Variants in ZNF577 observed in about 807,000 individuals in gnomAD.
ZNF577 encodes the protein zinc finger protein 577.
A neutral mutation model predicts 13.9 loss-of-function variants in ZNF577; 14 were observed. The ratio of observed to expected loss-of-function variants is 1.00; its 90% CI spans 0.66 to 1.57. The LOEUF (loss-of-function observed/expected upper bound fraction) is 1.57, where lower values mean the gene tolerates loss of function less well. ZNF577 is among the 40% of genes most tolerant of loss of function. The pLI is 0.00. For missense variants in ZNF577, 555 were observed against 579.2 expected, an observed-to-expected ratio of 0.96 and a Z score of 0.43; for synonymous variants, 203 against 202.9, an observed-to-expected ratio of 1.00 and a Z score of 0.00.
downstream of ZNF577, chr19:51,862,124 C>T (rs1180234447): frequency 6.6e-6 from 1 of 152,230 alleles, no homozygotes; most frequent in African/African-American, 2.4e-5. Flanking sequence ...AAGGCCCTAT[C>T]ACAGTCTGAG....
At chr19:51,822,855 T>C (rs936850612) in intron 9 of ZNF577, among the ~76,000 whole-genome samples, 4 of 151,976 alleles carry the variant, frequency 2.6e-5, no homozygotes, top group African/African-American at 7.3e-5. Flanking sequence ...GGATGTAATA[T>C]ATTTCTGCTC....
chr19:51,819,175 C>G (rs1295658198), intron 9 of ZNF577, among the ~76,000 whole-genome samples: 1 of 152,030 alleles, frequency 6.6e-6, no homozygotes, highest in African/African-American at 2.4e-5. Context: ...GGAAGAATGG[C>G]AGGTTTGGGA....
rs772892369 is a variant in ZNF577, at chr19:51,824,612, C to T, written c.*600-12938G>A. 3 of 1,614,120 alleles carry T rather than the reference C, an allele frequency of 1.9e-6. No individual in the cohort carries two copies. The highest frequency in any genetic ancestry group is 2.2e-5 in the South Asian group (2 of 91,080). Reference sequence around the variant, plus strand: ...TTCTTGTCCTGATTAACCCAACAAGCTCCTTGGCCTTTTTTAACAGCTGCC... The same window carrying T: ...TTCTTGTCCTGATTAACCCAACAAGTTCCTTGGCCTTTTTTAACAGCTGCC... On this transcript the variant is annotated intron_variant and NMD_transcript_variant, in intron 9 of 10. Coordinates refer to the ZNF577 transcript ENST00000638827. This position sits in a 1 kb window ranked among gnomAD's most constrained non-coding sequence, Gnocchi z 4.7.
intron 8 of ZNF577, among the ~76,000 whole-genome samples, chr19:51,841,676 T>TG (rs1239640058): frequency 6.6e-6 from 1 of 152,030 alleles, no homozygotes; most frequent in Non-Finnish European, 1.5e-5. Context: ...CTCAGCACTT[T>TG]GGGGGGCCAA....
intron 1 of ZNF577, among the ~76,000 whole-genome samples, chr19:51,884,371 G>A (rs1043480363): frequency 1.3e-5 from 2 of 152,168 alleles, no homozygotes; most frequent in African/African-American, 4.8e-5. Context: ...TGCTATGAAA[G>A]TCTCCAGACT....
At chr19:51,877,503 AAG>A (rs2084785121) in intron 4 of ZNF577, 126 bp from the exon 5 acceptor site, 1 of 735,948 alleles carries the variant, frequency 1.4e-6, no homozygotes, top group South Asian at 1.8e-5. Context: ...CACTCAGGAA[AAG>A]AGCACAACCA....
chr19:51,884,001 G>C (rs2084904052), intron 1 of ZNF577, among the ~76,000 whole-genome samples: 1 of 152,206 alleles, frequency 6.6e-6, no homozygotes, highest in Admixed American at 6.5e-5. Context: ...TTCAACCTGG[G>C]AAGTGGGAAT....
At chr19:51,816,064 T>TAAA (rs200656360) in intron 9 of ZNF577, among the ~76,000 whole-genome samples, 2 of 139,116 alleles carry the variant, frequency 1.4e-5, no homozygotes. Context: ...GAGATCCTAT[T>TAAA]AAAAAAAAAA....
rs139796205 is a variant in ZNF577 at position 51,872,598 on chromosome 19, A to C, written c.1392T>G (p.Asn464Lys). The C allele has an allele frequency of 6.2e-7, 1 of 1,613,654 alleles. No homozygotes were observed. The highest frequency in any genetic ancestry group is 1.3e-5 in the African/African-American group (1 of 74,920). Residue 464 changes from asparagine (N) to lysine (K), a missense_variant, in exon 6 of 6, where the codon AAT becomes AAG. Transcript: ENST00000638348. ...TTACTGATGGGGCCACATTCACTTC[A>C]TTTGTGAGGCTTATTCTCTGTTCAA... ...QEFEQRISLT[N>K]EVNVAPSVIN...
intron 5 of ZNF577, among the ~76,000 whole-genome samples, chr19:51,857,402 GAA>G (rs1334964452): frequency 7.3e-5 from 9 of 122,990 alleles, no homozygotes; most frequent in Non-Finnish European, 9.7e-5. Flanking sequence ...AAGAAAGAAA[GAA>G]AGAAAGAAAG....
chr19:51,814,992 T>C (rs113886405), intron 9 of ZNF577, among the ~76,000 whole-genome samples: 3,191 of 151,254 alleles, frequency 0.021, 124 homozygotes, highest in African/African-American at 0.074. Flanking sequence ...GTATTTTTAG[T>C]AGAGGCGGGG....
rs1338621079 is a variant in ZNF577, at chr19:51,857,365, G to GGAAGGAAA, written c.284-12435_284-12434insTTTCCTTC. Among the ~76,000 whole-genome samples the GGAAGGAAA allele has an allele frequency of 2.3e-3, 216 of 93,336 alleles. 3 individuals are homozygous for GGAAGGAAA. The highest frequency in any genetic ancestry group is 8.2e-3 in the African/African-American group (171 of 20,828). The allele number at this position is 93,336 out of a possible 152,430, so 61.2% of individuals were successfully genotyped here. A position where few individuals can be genotyped will look rare whatever the true frequency, so the allele number is the denominator to read the frequency against. On this transcript the variant is annotated intron_variant and NMD_transcript_variant, in intron 5 of 10. Coordinates refer to the ZNF577 transcript ENST00000638827. ...AAGAAAGAGAGAAAGAAAGAAGGAAGGAAAGAAAGAAAGAAAGAAAGAAAG... is the reference window on the plus strand; with the variant it reads ...AAGAAAGAGAGAAAGAAAGAAGGAAGGAAGGAAAGAAAGAAAGAAAGAAAGAAAGAAAG...
At chr19:51,840,339 A>G (rs1424397149) in intron 8 of ZNF577, among the ~76,000 whole-genome samples, 8 of 152,196 alleles carry the variant, frequency 5.3e-5, no homozygotes, top group Non-Finnish European at 1.2e-4. Flanking sequence ...GGTAAGGCGC[A>G]GCCATATTTG....
At chr19:51,866,988 GAGAGA>G (rs2084572136), downstream of ZNF577, among the ~76,000 whole-genome samples, 1 of 133,906 alleles carries the variant, frequency 7.5e-6, no homozygotes, top group Non-Finnish European at 1.5e-5. Flanking sequence ...AAGAGAGAGA[GAGAGA>G]AAAGGAAGAA....
chr19:51,811,081 G>T (rs2084093517), intron 10 of ZNF577, among the ~76,000 whole-genome samples: 1 of 149,296 alleles, frequency 6.7e-6, no homozygotes, highest in Non-Finnish European at 1.5e-5. Context: ...GATTCTTTCA[G>T]ATTTTTAGAT....
intron 5 of ZNF577, among the ~76,000 whole-genome samples, chr19:51,850,568 C>T (rs73568165): frequency 0.03 from 4,611 of 152,270 alleles, 216 homozygotes; most frequent in African/African-American, 0.11. Flanking sequence ...TAGCCTCCTG[C>T]TGTAATATAC....
rs752327371 is a variant in ZNF577, at chr19:51,873,379, T to TGCTCA, written c.606_610dup (p.His204LeufsTer112). ...CTTCTCTCCTGTGTGAGTTCTCTGA[T>TGCTCA]GCTCAGTGAGCTGAATCTTCCTCAT... On this transcript the variant is annotated frameshift_variant, in exon 6 of 6. Coordinates refer to ENST00000638348, the MANE Select transcript of ZNF577 (RefSeq NM_001370449.1). LOFTEE classifies it low-confidence loss of function (END_TRUNC). 3 of 1,614,248 alleles carry TGCTCA rather than the reference T, an allele frequency of 1.9e-6. No homozygotes were observed. The South Asian group carries it at 3.3e-5, about 18-fold the overall frequency.
chr19:51,805,472 AGCTCCTT>A (rs1317091133), intron 10 of ZNF577, among the ~76,000 whole-genome samples: 3 of 152,192 alleles, frequency 2.0e-5, no homozygotes, highest in Non-Finnish European at 4.4e-5. Context: ...TGGATGTGAA[AGCTCCTT>A]GCAAATGGGC....
downstream of ZNF577, among the ~76,000 whole-genome samples, chr19:51,865,753 A>C (rs529425409): frequency 9.9e-5 from 15 of 152,272 alleles, no homozygotes; most frequent in East Asian, 1.4e-3. Context: ...CAGGTCTCCC[A>C]TCTTGTTGGT....
Sources: allele counts gnomAD v4.1 joint callset (sites outside exome capture counted in the v4.1 genomes callset), GRCh38; gene constraint gnomAD v4.1.1; non-coding constraint Gnocchi (gnomAD v3.1); transcripts MANE v1.5; gene names NCBI Gene and HGNC (gene_info 2026-07-23, HGNC 2026-07-21).